DPP8: variants seen among roughly 807,000 people sequenced by gnomAD.
DPP8 encodes the protein dipeptidyl peptidase 8, also known as DPP VIII.
Under a neutral mutation model 107.5 loss-of-function variants are expected in DPP8, and 31 were observed. The observed-to-expected ratio is 0.29, with a 90% CI of 0.22 to 0.39. The LOEUF (loss-of-function observed/expected upper bound fraction) is 0.39, where lower values mean the gene tolerates loss of function less well. Ranked by LOEUF, DPP8 falls within the 10% of genes least tolerant of loss-of-function variation. The pLI is 1.00. For synonymous variants in DPP8, 381 were observed against 356.6 expected, an observed-to-expected ratio of 1.07 and a Z score of -0.77; for missense variants, 842 against 1,076.1, an observed-to-expected ratio of 0.78 and a Z score of 3.04.
At chr15:65,453,221 T>G (rs918662220) in intron 17 of DPP8, among the ~76,000 whole-genome samples, 8 of 152,200 alleles carry the variant, frequency 5.3e-5, no homozygotes, top group Admixed American at 6.5e-5. Context: ...TGTGCTTGAC[T>G]GCTGAAGATA....
chr15:65,475,547 TC>T, intron 11 of DPP8: 1 of 1,301,956 alleles, frequency 7.7e-7, no homozygotes, highest in Non-Finnish European at 1.1e-6. Context: ...GTGCAATCCA[TC>T]CCCAGGCACT....
chr15:65,514,884 C>A (rs939128302), intron 1 of DPP8, among the ~76,000 whole-genome samples: 1 of 152,220 alleles, frequency 6.6e-6, no homozygotes, highest in Admixed American at 6.5e-5. Flanking sequence ...GCTCATTTTT[C>A]TCAACTTCTC....
At chr15:65,502,456 T>C (rs2069358391) in intron 3 of DPP8, among the ~76,000 whole-genome samples, 1 of 152,112 alleles carries the variant, frequency 6.6e-6, no homozygotes, top group South Asian at 2.1e-4. Flanking sequence ...GGCAGGTGGA[T>C]CACCCGTGGT....
At chr15:65,501,975 T>C (rs573024358) in intron 3 of DPP8, among the ~76,000 whole-genome samples, 1 of 152,328 alleles carries the variant, frequency 6.6e-6, no homozygotes, top group Admixed American at 6.5e-5. Context: ...CTACAACCTC[T>C]GCCTCCTGGA....
chr15:65,457,642 G>A (rs114671144), intron 15 of DPP8, among the ~76,000 whole-genome samples: 1 of 151,944 alleles, frequency 6.6e-6, no homozygotes, highest in Non-Finnish European at 1.5e-5. Flanking sequence ...ATGTTCACTG[G>A]GTATCCTCAC....
At chr15:65,479,568 G>A in intron 10 of DPP8, among the ~76,000 whole-genome samples, 1 of 152,112 alleles carries the variant, frequency 6.6e-6, no homozygotes, top group East Asian at 1.9e-4. Context: ...ATATTGGCCG[G>A]GTGCGGTGGC....
intron 11 of DPP8, chr15:65,475,348 C>T: frequency 1.6e-6 from 2 of 1,283,552 alleles, no homozygotes; most frequent in Non-Finnish European, 1.1e-6. Context: ...GCTTTATCTT[C>T]TGAGTGTGGG....
chr15:65,455,613 T>G, intron 16 of DPP8: 1 of 1,161,842 alleles, frequency 8.6e-7, no homozygotes, highest in Non-Finnish European at 1.1e-6. Context: ...GCAATCTCAC[T>G]TCACTGAGCC....
Position 65,467,207 on chromosome 15 carries a change from A to T in DPP8, c.1553T>A (p.Val518Asp). The change falls in exon 13 of 20, where the codon GTC becomes GAC. Residue 518 changes from valine (V) to aspartate (D), a missense_variant. Physicochemically the swap from Val to Asp is radical, Grantham distance 152 (BLOSUM62 -3). Coordinates refer to ENST00000300141, the MANE Select transcript of DPP8 (RefSeq NM_130434.5). ...RHGSNIQVDE[V>D]RRLVYFEGTK... ...GCCTTCAAAATATACCAGCCTTCTG[A>T]CTTCATCAACTTGGATCTGACAAGA... 1 of 1,614,124 alleles carries T rather than the reference A, an allele frequency of 6.2e-7. No homozygotes were observed.
intron 14 of DPP8, among the ~76,000 whole-genome samples, chr15:65,464,409 C>T (rs546747186): frequency 2.0e-5 from 3 of 151,772 alleles, no homozygotes; most frequent in South Asian, 4.2e-4. Flanking sequence ...AGGCCAGGCA[C>T]GGTGGCTCAC....
chr15:65,476,850 C>T (rs2066433059), intron 11 of DPP8, among the ~76,000 whole-genome samples: 1 of 152,072 alleles, frequency 6.6e-6, no homozygotes, highest in Non-Finnish European at 1.5e-5. Flanking sequence ...ACAACGAAAC[C>T]TTACTCAGCC....
At chr15:65,490,876 G>T (rs917488710) in intron 5 of DPP8, among the ~76,000 whole-genome samples, 2 of 151,966 alleles carry the variant, frequency 1.3e-5, no homozygotes, top group African/African-American at 4.8e-5. Flanking sequence ...GTAAGATTTT[G>T]AGGCCAGGCG....
At chr15:65,456,410 C>T (rs1365399208) in intron 15 of DPP8, 39 bp from the exon 16 acceptor site, 1 of 1,576,086 alleles carries the variant, frequency 6.3e-7, no homozygotes, top group African/African-American at 1.4e-5. Context: ...CATATGGAAG[C>T]ATATAAAAAC....
At chr15:65,517,133 C>G (rs1225136478) in intron 1 of DPP8, 1 of 152,282 alleles carries the variant, frequency 6.6e-6, no homozygotes, top group East Asian at 1.9e-4. Context: ...CTGTGGGCTT[C>G]CGTTTCCTCA....
At chr15:65,451,898 C>G in intron 18 of DPP8, 62 bp downstream of exon 18, 1 of 1,436,064 alleles carries the variant, frequency 7.0e-7, no homozygotes, top group Non-Finnish European at 9.2e-7. Context: ...ACACTCCAGC[C>G]TAAGTGACAG....
At chr15:65,517,349 G>T (rs892653) in intron 1 of DPP8, 137 bp downstream of exon 1, 132,379 of 152,368 alleles carry the variant, frequency 0.87, 58,639 homozygotes, top group East Asian at 0.95. Context: ...TGGGCAGGGC[G>T]GCGCGCCGGG....
At chr15:65,468,881 A>C (rs1399645304) in intron 12 of DPP8, among the ~76,000 whole-genome samples, 2 of 152,202 alleles carry the variant, frequency 1.3e-5, no homozygotes, top group African/African-American at 4.8e-5. Flanking sequence ...CATCCAAGGA[A>C]GTATCATAAT....
Position 65,508,142 on chromosome 15 carries a change from AG to A in DPP8, c.260-788del, listed in dbSNP as rs561176637. 2.3e-3 allele frequency among the ~76,000 whole-genome samples: 351 copies of A among 152,136 alleles called. 4 individuals are homozygous for A. Among genetic ancestry groups the A allele is most frequent in the South Asian group, 2.3e-3 (11 of 4,814 alleles). On this transcript the variant is annotated intron_variant, in intron 2 of 19. Transcript: ENST00000300141. ...GTAATCCCAGCTATTTGGGTGGCTG[AG>A]GCAGGAGAATTGCTTGAACCCAGGA...
intron 16 of DPP8, 66 bp downstream of exon 16, chr15:65,456,159 T>C: frequency 6.4e-7 from 1 of 1,554,280 alleles, no homozygotes; most frequent in Non-Finnish European, 8.7e-7. Context: ...TTCAAGGGTT[T>C]CACACCAAAC....
Sources: allele counts gnomAD v4.1 joint callset (sites outside exome capture counted in the v4.1 genomes callset), GRCh38; gene constraint gnomAD v4.1.1; transcripts MANE v1.5; gene names NCBI Gene and HGNC (gene_info 2026-07-23, HGNC 2026-07-21).